Variants in REPS1 observed in about 807,000 individuals in gnomAD.
REPS1 encodes the protein ralBP1-associated Eps domain-containing protein 1.
REPS1 carries 39 observed loss-of-function variants against 100.9 expected under a neutral mutation model. The ratio of observed to expected loss-of-function variants is 0.39; its 90% CI spans 0.30 to 0.50. The LOEUF is 0.50. Ranked by LOEUF, REPS1 falls within the 20% of genes least tolerant of loss-of-function variation. The pLI is 0.86. For missense variants in REPS1, 821 were observed against 968.5 expected, an observed-to-expected ratio of 0.85 and a Z score of 2.02; for synonymous variants, 324 against 340.3, an observed-to-expected ratio of 0.95 and a Z score of 0.53.
chr6:138,920,137 T>C, intron 12 of REPS1, 78 bp downstream of exon 12: 1 of 784,802 alleles, frequency 1.3e-6, no homozygotes, highest in Non-Finnish European at 2.3e-6. Context: ...CGGTATTAAA[T>C]GCATACACAT....
intron 1 of REPS1, among the ~76,000 whole-genome samples, chr6:138,968,820 A>T (rs188803011): frequency 1.3e-5 from 2 of 152,356 alleles, no homozygotes; most frequent in African/African-American, 2.4e-5. Flanking sequence ...AAAAGAAGAG[A>T]GCAAATAATA....
At chr6:138,958,672 T>TA (rs1014025577) in intron 1 of REPS1, among the ~76,000 whole-genome samples, 1 of 152,138 alleles carries the variant, frequency 6.6e-6, no homozygotes, top group Admixed American at 6.5e-5. Context: ...TTCAGGGCCT[T>TA]AAAAAAAGTA....
intron 19 of REPS1, among the ~76,000 whole-genome samples, chr6:138,905,475 TAG>T (rs1489003241): frequency 4.1e-5 from 6 of 146,992 alleles, no homozygotes; most frequent in African/African-American, 1.2e-4. Context: ...GTATTTTTAG[TAG>T]AGACGGGGTT....
rs191240777 is a variant in REPS1 at position 138,967,924 on chromosome 6, A to C, written c.153+19606T>G. Among the ~76,000 whole-genome samples, 187 of 152,308 alleles carry C rather than the reference A, an allele frequency of 1.2e-3. 2 individuals are homozygous for C. The East Asian group carries it at 0.029, about 24-fold the overall frequency. On this transcript the variant is annotated intron_variant, in intron 1 of 19. Transcript: ENST00000450536. ...ATTCCCCAAACACAGGAAGAAAAAA[A>C]CTAATTAATGCCCAGAGAAACTAAG...
chr6:138,912,988 T>C (rs746482889), intron 15 of REPS1, 38 bp from the exon 16 acceptor site: 1 of 1,531,830 alleles, frequency 6.5e-7, no homozygotes, highest in South Asian at 1.2e-5. Context: ...ACACATTCTA[T>C]CAGCCTATCA....
intron 1 of REPS1, among the ~76,000 whole-genome samples, chr6:138,976,026 A>C (rs942749633): frequency 2.0e-5 from 3 of 152,202 alleles, no homozygotes; most frequent in Non-Finnish European, 4.4e-5. Context: ...TGACACAGAA[A>C]ATTACTACGA....
chr6:138,920,825 C>A (rs1193039658), intron 11 of REPS1, among the ~76,000 whole-genome samples: 1 of 152,174 alleles, frequency 6.6e-6, no homozygotes, highest in African/African-American at 2.4e-5. Context: ...AGAAATGTCA[C>A]ATTTTCAAAT....
chr6:138,907,024 A>C (rs1779695682), intron 19 of REPS1, among the ~76,000 whole-genome samples: 1 of 152,224 alleles, frequency 6.6e-6, no homozygotes, highest in Non-Finnish European at 1.5e-5. Flanking sequence ...CTCAGGTATT[A>C]GGTGACAGTA....
rs758462074 is a variant in REPS1, at chr6:138,921,037, C to T, written c.1426G>A (p.Asp476Asn). Residue 476 changes from aspartate to asparagine, a missense_variant and splice_region_variant, in exon 11 of 20, where the codon GAT becomes AAT. Physicochemically the swap from Asp to Asn is conservative, Grantham distance 23 (BLOSUM62 1). This residue lies in a region of REPS1 where 757 missense variants were observed against 866.4 expected (regional missense o/e 0.87). Coordinates refer to ENST00000450536, the MANE Select transcript of REPS1 (RefSeq NM_001286611.2). ...QEMELKRTGSDHTNPTSPLLV... is the reference protein window; with the variant it reads ...QEMELKRTGSNHTNPTSPLLV... ...TACAAACCAGCAACAGCTTCCTTAC[C>T]GCTGCCAGTTCTTTTAAGTTCCATT... The T allele has an allele frequency of 4.4e-6, 7 of 1,607,534 alleles. No homozygotes were observed. Among genetic ancestry groups the T allele is most frequent in the African/African-American group, 2.7e-5 (2 of 74,724 alleles).
At chr6:138,971,343 G>C (rs1277506469) in intron 1 of REPS1, among the ~76,000 whole-genome samples, 4 of 152,130 alleles carry the variant, frequency 2.6e-5, no homozygotes, top group Admixed American at 2.0e-4. Context: ...CTGTGCTAGG[G>C]AATGTGTGAA....
chr6:138,938,053 T>C (rs1781976222), intron 8 of REPS1, among the ~76,000 whole-genome samples: 1 of 152,202 alleles, frequency 6.6e-6, no homozygotes, highest in African/African-American at 2.4e-5. Context: ...CTAAATATTC[T>C]TTAATTCAGC....
intron 1 of REPS1, among the ~76,000 whole-genome samples, chr6:138,950,751 C>G (rs1183211312): frequency 6.6e-6 from 1 of 151,910 alleles, no homozygotes; most frequent in African/African-American, 2.4e-5. Context: ...CTAAATAATC[C>G]TTAGAATCAT....
intron 8 of REPS1, chr6:138,934,359 G>A (rs918784100): frequency 1.9e-5 from 9 of 470,248 alleles, no homozygotes; most frequent in South Asian, 9.3e-5. Flanking sequence ...TAAATTATTC[G>A]TTAAAGTTAA....
chr6:138,912,754 C>A lies in REPS1; in HGVS notation c.1971+11G>T, dbSNP rs1307598297. ...GCCTGCAGAAAATTAGCCAAGCCCTCGAAAACTGACCGGCAGGACTTCTGG... is the reference window on the plus strand; with the variant it reads ...GCCTGCAGAAAATTAGCCAAGCCCTAGAAAACTGACCGGCAGGACTTCTGG... On this transcript the variant is annotated intron_variant, in intron 16 of 19. Transcript: ENST00000450536. The A allele has an allele frequency of 2.5e-6, 4 of 1,614,074 alleles. No homozygotes were observed. The highest frequency in any genetic ancestry group is 1.7e-5 in the Admixed American group (1 of 60,016).
intron 1 of REPS1, among the ~76,000 whole-genome samples, chr6:138,955,440 T>TAA (rs71645327): frequency 5.1e-5 from 5 of 97,546 alleles, no homozygotes; most frequent in Admixed American, 1.0e-4. Flanking sequence ...CCTGTCTCTT[T>TAA]AAAAAAAAAA....
At chr6:138,918,204 A>C (rs1246998142) in intron 12 of REPS1, among the ~76,000 whole-genome samples, 1 of 151,962 alleles carries the variant, frequency 6.6e-6, no homozygotes, top group Non-Finnish European at 1.5e-5. Flanking sequence ...TCCTGCCTTG[A>C]TTTCCCAAAG....
At position 138,945,238 on chromosome 6, in the gene REPS1, G is replaced by A; in HGVS notation, c.609C>T (p.Pro203=). 1 of 1,609,474 alleles carries A rather than the reference G, an allele frequency of 6.2e-7. No homozygotes were observed. Among genetic ancestry groups the A allele is most frequent in the Non-Finnish European group, 8.5e-7 (1 of 1,178,870 alleles). The change falls in exon 4 of 20, where the codon CCC becomes CCT. Residue 203 remains proline (P), a synonymous_variant. Transcript: ENST00000450536. ...AAATACCTGATTGTGCTTCACCAAA[G>A]GGAGACCAAAATGGCCCAGGTCCCG... ...PLAGPGPFWS[P]FGEAQSGSSA... is the part of the protein sequence containing the mutation.
At position 138,963,062 on chromosome 6, in the gene REPS1, A is replaced by G. The variant is rs74439790; in HGVS notation, c.154-15149T>C. Among the ~76,000 whole-genome samples, 34 of 152,248 alleles carry G rather than the reference A, an allele frequency of 2.2e-4. No homozygotes were observed. The East Asian group carries it at 6.4e-3, about 29-fold the overall frequency. ...TCCCCAAACTTACTTTGGCCAACCT[A>G]GATTGGGCTATCCTACCTCTGGGTG... On this transcript the variant is annotated intron_variant, in intron 1 of 19. Coordinates refer to ENST00000450536, the MANE Select transcript of REPS1 (RefSeq NM_001286611.2).
chr6:138,907,312 A>AGGTGTGTGTG, intron 19 of REPS1, 183 bp downstream of exon 19: 1 of 105,682 alleles, frequency 9.5e-6, no homozygotes, highest in Non-Finnish European at 1.9e-5. Flanking sequence ...AAAAAAAAAA[A>AGGTGTGTGTG]AGTGTGTGTG....
Sources: gnomAD v4.1 joint callset for allele counts (sites outside exome capture counted in the v4.1 genomes callset) on GRCh38, gnomAD v4.1.1 for gene constraint, gnomAD v4.1.1 regional missense constraint, MANE v1.5 for transcripts, NCBI Gene and HGNC (gene_info 2026-07-23, HGNC 2026-07-21) for gene names.